Variants in XK observed in about 807,000 individuals in gnomAD.
The protein encoded by XK is endoplasmic reticulum membrane adapter protein XK.
A neutral mutation model predicts 14.0 loss-of-function variants in XK; 2 were observed. The observed-to-expected ratio is 0.14, with a 90% CI of 0.06 to 0.45. XK has a LOEUF of 0.45. XK is among the 20% of genes least tolerant of loss of function. XK has a pLI of 0.98. For synonymous variants in XK, 149 were observed against 147.5 expected (o/e 1.01, Z -0.08); for missense variants, 235 against 341.5 (o/e 0.69, Z 2.46).
intron 1 of XK, among the ~76,000 whole-genome samples, chrX:37,688,026 C>CCTTT: frequency 1.2e-5 from 1 of 80,362 alleles, no homozygotes; most frequent in South Asian, 6.1e-4. Context: ...GGGCACTTAT[C>CCTTT]ATTTCTTTCT....
chrX:37,687,682 TAAAG>T (rs1927112010), intron 1 of XK, among the ~76,000 whole-genome samples: 1 of 110,704 alleles, frequency 9.0e-6, no homozygotes, highest in Non-Finnish European at 1.9e-5. Flanking sequence ...CACCTCATAT[TAAAG>T]AAAACTGTTC....
At chrX:37,697,153 G>A (rs1569473145) in intron 2 of XK, among the ~76,000 whole-genome samples, 1 of 111,371 alleles carries the variant, frequency 9.0e-6, no homozygotes, top group Non-Finnish European at 1.9e-5. Context: ...GTTACCTGGG[G>A]GCTTGTTAAA....
At chrX:37,690,582 G>T (rs965914061) in intron 1 of XK, among the ~76,000 whole-genome samples, 4 of 111,327 alleles carry the variant, frequency 3.6e-5, no homozygotes, top group Admixed American at 9.5e-5. Context: ...CTACATTGGG[G>T]TTAGCAAACT....
chrX:37,728,082 G>A lies in XK; in HGVS notation c.955G>A (p.Val319Met). Residue 319 changes from valine to methionine, a missense_variant, in exon 3 of 3, where the codon GTG (valine) becomes ATG (methionine). Val to Met is a conservative substitution (Grantham distance 21). Transcript: ENST00000378616. ...SKSHNWYQLLVYYMIRFIENA... is the reference protein window; with the variant it reads ...SKSHNWYQLLMYYMIRFIENA... ...GTCCCATAATTGGTACCAGCTACTG[G>A]TGTATTACATGATAAGATTCATCGA... 1 of 1,211,395 alleles carries A rather than the reference G, an allele frequency of 8.3e-7. No individual in the cohort carries two copies. The highest frequency in any genetic ancestry group is 1.1e-6 in the Non-Finnish European group (1 of 895,423).
chrX:37,703,746 A>T (rs1927458935), intron 2 of XK, among the ~76,000 whole-genome samples: 1 of 111,482 alleles, frequency 9.0e-6, no homozygotes, highest in Non-Finnish European at 1.9e-5. Context: ...TTGTATCCTG[A>T]AAAAGGGGTC....
chrX:37,724,988 G>A, intron 2 of XK, among the ~76,000 whole-genome samples: 1 of 111,610 alleles, frequency 9.0e-6, no homozygotes, highest in Middle Eastern at 4.6e-3. Flanking sequence ...ATATCATTTA[G>A]GCTTGAAAAA....
In XK at chrX:37,698,845, T is replaced by C. The variant is rs139869549; in HGVS notation, c.508+4297T>C. Among the ~76,000 whole-genome samples the C allele has an allele frequency of 7.8e-3, 875 of 111,875 alleles. 10 individuals carry two copies. The highest frequency in any genetic ancestry group is 0.027 in the African/African-American group (833 of 30,786). On this transcript the variant is annotated intron_variant, in intron 2 of 2. Transcript: ENST00000378616. ...GATAAGTAGCCTCTCTGAGGGTATATTGGGGGTTGTCTAACCGAGTCTGGG... is the reference window on the plus strand; with the variant it reads ...GATAAGTAGCCTCTCTGAGGGTATACTGGGGGTTGTCTAACCGAGTCTGGG...
intron 2 of XK, among the ~76,000 whole-genome samples, chrX:37,721,653 G>A (rs782611851): frequency 9.0e-5 from 10 of 111,257 alleles, no homozygotes; most frequent in Non-Finnish European, 1.9e-4. Flanking sequence ...CAGTTCCTTC[G>A]ACAACTAAAC....
At chrX:37,705,451 CA>C (rs201945450) in intron 2 of XK, among the ~76,000 whole-genome samples, 192 of 84,785 alleles carry the variant, frequency 2.3e-3, no homozygotes, top group Admixed American at 4.2e-3. Context: ...GACTCTGTCT[CA>C]AAAAAAAAAA....
intron 2 of XK, among the ~76,000 whole-genome samples, chrX:37,704,099 TGTTCAGGAGCCTA>T (rs1927465074): frequency 8.9e-6 from 1 of 112,343 alleles, no homozygotes; most frequent in South Asian, 3.7e-4. Context: ...GAGAAGCCTG[TGTTCAGGAGCCTA>T]GTCTTTGAAG....
intron 2 of XK, among the ~76,000 whole-genome samples, chrX:37,727,167 G>A (rs1329186767): frequency 2.7e-5 from 3 of 111,544 alleles, no homozygotes; most frequent in Non-Finnish European, 3.8e-5. Flanking sequence ...TGGGGAGGAA[G>A]ATGTAAGGAG....
intron 2 of XK, among the ~76,000 whole-genome samples, chrX:37,722,614 G>T (rs1927900235): frequency 8.9e-6 from 1 of 112,222 alleles, no homozygotes; most frequent in Admixed American, 9.4e-5. Flanking sequence ...ATCCCCTTTG[G>T]CTTCGCCAGT....
At position 37,727,918 on chromosome X, in the gene XK, C is replaced by T. The variant is rs1928010569; in HGVS notation, c.791C>T (p.Pro264Leu). The T allele has an allele frequency of 8.3e-7, 1 of 1,209,106 alleles. No individual in the cohort carries two copies. Among genetic ancestry groups the T allele is most frequent in the African/African-American group, 1.8e-5 (1 of 56,913 alleles). Residue 264 changes from proline (P) to leucine (L), a missense_variant, in exon 3 of 3, where the codon CCT (proline) becomes CTT (leucine). By Grantham distance (98) the Pro-to-Leu change is moderately conservative (BLOSUM62 -3). Coordinates refer to ENST00000378616, the MANE Select transcript of XK (RefSeq NM_021083.4). The stretch of plus-strand genomic sequence containing the variant: ...TTCTGGTGCAGTGGTTCCCCATTCC[C>T]TGAGAACATAGAGAAGGCCCTCAGT... ...ILFWCSGSPF[P>L]ENIEKALSRV...
intron 2 of XK, among the ~76,000 whole-genome samples, chrX:37,710,025 A>G (rs1280602683): frequency 8.9e-6 from 1 of 112,380 alleles, no homozygotes; most frequent in African/African-American, 3.2e-5. Context: ...ATTTGAGCTT[A>G]GAAAAATAAA....
At chrX:37,702,092 C>T (rs950474623) in intron 2 of XK, among the ~76,000 whole-genome samples, 26 of 111,861 alleles carry the variant, frequency 2.3e-4, no homozygotes, top group East Asian at 1.4e-3. Flanking sequence ...TGTTTCACTT[C>T]GGCCAGGGGA....
chrX:37,693,188 A>G (rs993143579), intron 1 of XK, among the ~76,000 whole-genome samples: 2 of 112,220 alleles, frequency 1.8e-5, no homozygotes, highest in Non-Finnish European at 3.8e-5. Flanking sequence ...TAACATAAAC[A>G]TTCAATGAAA....
chrX:37,717,041 A>G (rs1348805641), intron 2 of XK, among the ~76,000 whole-genome samples: 1 of 111,800 alleles, frequency 8.9e-6, no homozygotes, highest in Non-Finnish European at 1.9e-5. Flanking sequence ...GTCTTTACAT[A>G]TGAAATATTC....
chrX:37,708,024 C>G (rs1260672512), intron 2 of XK, among the ~76,000 whole-genome samples: 1 of 112,513 alleles, frequency 8.9e-6, no homozygotes, highest in East Asian at 2.8e-4. Flanking sequence ...GCCAACACAG[C>G]GAAACCCCAT....
At position 37,705,416 on chromosome X, in the gene XK, G is replaced by C. The variant is rs367907084; in HGVS notation, c.508+10868G>C. On this transcript the variant is annotated intron_variant, in intron 2 of 2. Transcript: ENST00000378616. ...GCAGTGAGCCGAGCTCGCGCCACTG[G>C]ACTCCAGCCTGGGTGAAAGAGCGAG... Among the ~76,000 whole-genome samples the C allele has an allele frequency of 2.9e-4, 31 of 107,986 alleles. No individual in the cohort carries two copies. The East Asian group carries it at 3.7e-3, about 13-fold the overall frequency. The allele number at this position is 107,986 out of a possible 115,157, so 93.8% of individuals were successfully genotyped here.
Sources: gnomAD v4.1 joint callset for allele counts (sites outside exome capture counted in the v4.1 genomes callset) on GRCh38, gnomAD v4.1.1 for gene constraint, MANE v1.5 for transcripts, NCBI Gene and HGNC (gene_info 2026-07-23, HGNC 2026-07-21) for gene names.